The following FRMD4A variants were observed in gnomAD, a reference collection of about 807,000 sequenced individuals.
The protein encoded by FRMD4A is FERM domain containing 4A, also known as FERM domain-containing protein 4A.
Under a neutral mutation model 129.1 loss-of-function variants are expected in FRMD4A, and 29 were observed. The ratio of observed to expected loss-of-function variants is 0.22; its 90% confidence interval spans 0.17 to 0.31. The LOEUF (loss-of-function observed/expected upper bound fraction) is 0.31, where lower values mean the gene tolerates loss of function less well. FRMD4A is among the 10% of genes least tolerant of loss of function. The probability of loss-of-function intolerance (pLI) is 1.00; values close to 1 mark genes in which losing one functional copy is unlikely to be tolerated. For missense variants in FRMD4A, 1,272 were observed against 1,375.8 expected, an observed-to-expected ratio of 0.92 and a Z score of 1.19; for synonymous variants, 634 against 571.6, an observed-to-expected ratio of 1.11 and a Z score of -1.56.
At chr10:14,071,743 C>G (rs1835328389) in intron 2 of FRMD4A, among the ~76,000 whole-genome samples, 1 of 151,836 alleles carries the variant, frequency 6.6e-6, no homozygotes, top group South Asian at 2.1e-4. Flanking sequence ...CAGAGAGGAC[C>G]AGGTATGTGT....
intron 15 of FRMD4A, among the ~76,000 whole-genome samples, chr10:13,687,773 G>A (rs1372124472): frequency 2.0e-5 from 3 of 152,176 alleles, no homozygotes; most frequent in African/African-American, 7.2e-5. Context: ...CCCCTCCAGT[G>A]GTCAATAACA....
At position 13,761,709 on chromosome 10, in the gene FRMD4A, G is replaced by A. The variant is rs200615266; in HGVS notation, c.442-40C>T. ...ATTCAACATCAGCGAAATACACTAA[G>A]CCAATGTTAGAGACTCTAAAGTACA... On this transcript the variant is annotated intron_variant, in intron 7 of 24. Coordinates refer to ENST00000357447, the MANE Select transcript of FRMD4A (RefSeq NM_018027.5). The A allele has an allele frequency of 2.7e-4, 391 of 1,446,780 alleles. 2 individuals are homozygous for A. The highest frequency in any genetic ancestry group is 1.9e-3 in the South Asian group (159 of 84,844). 89.6% of individuals were successfully genotyped at this position (1,446,780 alleles called of 1,614,324 possible).
Position 13,821,523 on chromosome 10 carries a change from A to T in FRMD4A, c.112-10615T>A, listed in dbSNP as rs1041255500. Among the ~76,000 whole-genome samples, 1 of 152,148 alleles carries T rather than the reference A, an allele frequency of 6.6e-6. No homozygotes were observed. The highest frequency in any genetic ancestry group is 1.5e-5 in the Non-Finnish European group (1 of 68,012). On this transcript the variant is annotated intron_variant, in intron 3 of 24. Transcript: ENST00000357447. This position sits in a 1 kb window ranked among gnomAD's most constrained non-coding sequence, Gnocchi z 4.3. ...AGTCTAGGAGTGACAGTGGCATCAC[A>T]TCGCTGCAGCAGAACAGCAAAGCTG... is the stretch of plus-strand genomic sequence containing the variant.
intron 6 of FRMD4A, among the ~76,000 whole-genome samples, chr10:13,781,066 G>A (rs1016615642): frequency 6.6e-6 from 1 of 152,128 alleles, no homozygotes; most frequent in African/African-American, 2.4e-5. Context: ...ACTTTGGAAG[G>A]CCAAGGCAGG....
Position 13,651,394 on chromosome 10 carries a change from T to C in FRMD4A, c.*2+509A>G, listed in dbSNP as rs369231185. ...GGGACACTGATTACTCACAGTAAAATGTCTACAAATCTTTGAATGTAGATA... is the reference window on the plus strand; with the variant it reads ...GGGACACTGATTACTCACAGTAAAACGTCTACAAATCTTTGAATGTAGATA... On this transcript the variant is annotated intron_variant, in intron 24 of 24. Transcript: ENST00000357447. 19 of 153,612 alleles carry C rather than the reference T, an allele frequency of 1.2e-4. No individual in the cohort carries two copies. In the South Asian group the frequency reaches 3.7e-3, roughly 30 times the overall value. The allele number at this position is 153,612 out of a possible 1,614,324, so 9.5% of individuals were successfully genotyped here.
intron 6 of FRMD4A, among the ~76,000 whole-genome samples, chr10:13,775,929 T>G (rs569718182): frequency 8.0e-4 from 122 of 152,304 alleles, no homozygotes; most frequent in African/African-American, 2.7e-3. Context: ...GTATTCCCTT[T>G]GGGTAAAACA....
intron 2 of FRMD4A, among the ~76,000 whole-genome samples, chr10:13,967,743 G>A (rs1185449109): frequency 6.6e-6 from 1 of 152,162 alleles, no homozygotes; most frequent in African/African-American, 2.4e-5. Context: ...GAAATCACGT[G>A]TTAAGAATAC....
chr10:13,923,484 G>C (rs1401222073), intron 2 of FRMD4A, among the ~76,000 whole-genome samples: 1 of 152,150 alleles, frequency 6.6e-6, no homozygotes, highest in Non-Finnish European at 1.5e-5. Flanking sequence ...TCACACATGT[G>C]TGCACATACG....
intron 2 of FRMD4A, chr10:13,971,561 C>A: frequency 1.5e-6 from 1 of 677,608 alleles, no homozygotes. Flanking sequence ...TTCAGAGTCC[C>A]GAACACATGT....
intron 6 of FRMD4A, among the ~76,000 whole-genome samples, chr10:13,764,825 C>G (rs2092222309): frequency 6.6e-6 from 1 of 152,158 alleles, no homozygotes; most frequent in Admixed American, 6.5e-5. Context: ...GATTTAGAGA[C>G]CAGCCAGCCT....
intron 6 of FRMD4A, among the ~76,000 whole-genome samples, chr10:13,773,601 T>A (rs756139545): frequency 4.9e-4 from 74 of 152,240 alleles, no homozygotes; most frequent in South Asian, 2.1e-4. Flanking sequence ...GATGTATAAT[T>A]TGTGGAAATC....
At chr10:14,152,471 A>G (rs1840388896) in intron 2 of FRMD4A, among the ~76,000 whole-genome samples, 1 of 152,190 alleles carries the variant, frequency 6.6e-6, no homozygotes, top group Non-Finnish European at 1.5e-5. Flanking sequence ...CAGTTACTCC[A>G]TAAGTAGAAA....
chr10:13,741,443 C>T (rs183159104), intron 9 of FRMD4A, among the ~76,000 whole-genome samples: 436 of 151,592 alleles, frequency 2.9e-3, no homozygotes, highest in Non-Finnish European at 5.1e-3. Context: ...AGAGTGAGAC[C>T]CTGGCTCAAA....
At chr10:14,185,599 G>A (rs567710446) in intron 2 of FRMD4A, among the ~76,000 whole-genome samples, 63 of 145,524 alleles carry the variant, frequency 4.3e-4, no homozygotes, top group Middle Eastern at 7.0e-3. Flanking sequence ...AGAGAAACAG[G>A]TAGAGAGACA....
At chr10:14,056,145 C>T (rs1834519112) in intron 2 of FRMD4A, among the ~76,000 whole-genome samples, 1 of 152,154 alleles carries the variant, frequency 6.6e-6, no homozygotes, top group Admixed American at 6.5e-5. Flanking sequence ...AATTCTTCTG[C>T]CTCAGCCTCC....
chr10:14,239,821 G>A (rs2132002500), intron 2 of FRMD4A, among the ~76,000 whole-genome samples: 2 of 152,300 alleles, frequency 1.3e-5, no homozygotes, highest in Admixed American at 1.3e-4. Context: ...CTGAGTGAGT[G>A]TTTGCTCAGC....
chr10:14,155,943 G>T (rs1840573784), intron 2 of FRMD4A, among the ~76,000 whole-genome samples: 1 of 152,134 alleles, frequency 6.6e-6, no homozygotes, highest in Non-Finnish European at 1.5e-5. Context: ...TAGAGAAATA[G>T]AACATATTTT....
At chr10:14,103,951 C>A (rs932931615) in intron 2 of FRMD4A, among the ~76,000 whole-genome samples, 2 of 152,172 alleles carry the variant, frequency 1.3e-5, no homozygotes, top group African/African-American at 4.8e-5. Flanking sequence ...GTCAGCGATT[C>A]CTACTAAGCT....
chr10:14,249,754 A>G (rs547422793), intron 2 of FRMD4A, among the ~76,000 whole-genome samples: 3 of 152,376 alleles, frequency 2.0e-5, no homozygotes, highest in African/African-American at 4.8e-5. Flanking sequence ...TAAGGGATGC[A>G]TCAACTAAGG....
Sources: allele counts gnomAD v4.1 joint callset (sites outside exome capture counted in the v4.1 genomes callset), GRCh38; gene constraint gnomAD v4.1.1; non-coding constraint Gnocchi (gnomAD v3.1); transcripts MANE v1.5; gene names NCBI Gene and HGNC (gene_info 2026-07-23, HGNC 2026-07-21).